Variants in SLC24A3 observed in about 807,000 individuals in gnomAD.
SLC24A3 encodes the protein solute carrier family 24 member 3, also known as sodium/potassium/calcium exchanger 3.
SLC24A3 carries 28 observed loss-of-function variants against 75.8 expected under a neutral mutation model. The observed-to-expected ratio is 0.37, with a 90% CI of 0.27 to 0.51. The LOEUF (loss-of-function observed/expected upper bound fraction) is 0.51. Among genes scored for constraint, SLC24A3 ranks in the 20% least tolerant of loss-of-function variants. The probability of loss-of-function intolerance (pLI) is 0.94; values close to 1 mark genes in which losing one functional copy is unlikely to be tolerated. For missense variants in SLC24A3, 663 were observed against 847.8 expected (o/e 0.78, Z 2.71); for synonymous variants, 372 against 334.1 (o/e 1.11, Z -1.24).
intron 6 of SLC24A3, among the ~76,000 whole-genome samples, chr20:19,609,587 C>G (rs569266818): frequency 6.6e-6 from 1 of 151,960 alleles, no homozygotes; most frequent in East Asian, 1.9e-4. Flanking sequence ...CTCCAACAGG[C>G]CCCGGTGTGT....
intron 2 of SLC24A3, among the ~76,000 whole-genome samples, chr20:19,292,269 T>C (rs1374509081): frequency 2.0e-5 from 3 of 152,148 alleles, no homozygotes; most frequent in Non-Finnish European, 4.4e-5. Context: ...TCCTGAGGGG[T>C]CCTGCAAACG....
At chr20:19,423,322 T>C (rs969927804) in intron 2 of SLC24A3, among the ~76,000 whole-genome samples, 2 of 152,190 alleles carry the variant, frequency 1.3e-5, no homozygotes, top group African/African-American at 2.4e-5. Flanking sequence ...CAGCCCCAAC[T>C]GCAGAAACTG....
intron 2 of SLC24A3, among the ~76,000 whole-genome samples, chr20:19,502,747 A>G (rs1373273235): frequency 2.6e-5 from 4 of 151,690 alleles, no homozygotes; most frequent in African/African-American, 9.7e-5. Context: ...AAATTAATAG[A>G]AGACCGGGTG....
rs112712683 is a variant in SLC24A3 at position 19,403,206 on chromosome 20, C to T, written c.272-112282C>T. On this transcript the variant is annotated intron_variant, in intron 2 of 16. Transcript: ENST00000328041. ...AGAGAAATGTGACCACTGGAAACTA[C>T]AGGTTTGTCCAACATCTGAAGGTAC... 5.2e-3 allele frequency among the ~76,000 whole-genome samples: 797 copies of T among 152,274 alleles called. 3 individuals are homozygous for T. Among genetic ancestry groups the T allele is most frequent in the African/African-American group, 0.018 (765 of 41,558 alleles).
At chr20:19,336,495 C>G (rs551751270) in intron 2 of SLC24A3, among the ~76,000 whole-genome samples, 1 of 152,196 alleles carries the variant, frequency 6.6e-6, no homozygotes, top group East Asian at 1.9e-4. Context: ...AAGCGATTCT[C>G]ATCCCTCAGC....
chr20:19,621,480 T>C (rs550772430), intron 6 of SLC24A3, among the ~76,000 whole-genome samples: 1 of 152,334 alleles, frequency 6.6e-6, no homozygotes, highest in African/African-American at 2.4e-5. Flanking sequence ...ACCCTCTTGG[T>C]TAGAGTGTGT....
intron 2 of SLC24A3, among the ~76,000 whole-genome samples, chr20:19,481,539 C>T (rs1253339255): frequency 1.3e-5 from 2 of 152,184 alleles, no homozygotes; most frequent in Non-Finnish European, 2.9e-5. Context: ...TTCACAATGA[C>T]TCTGACTTCA....
intron 2 of SLC24A3, among the ~76,000 whole-genome samples, chr20:19,473,029 C>G (rs1444342102): frequency 1.3e-5 from 2 of 152,178 alleles, no homozygotes; most frequent in African/African-American, 2.4e-5. Flanking sequence ...GGCCACTGAT[C>G]AAGGCTGGAT....
At position 19,317,927 on chromosome 20, in the gene SLC24A3, G is replaced by T. The variant is rs551025524; in HGVS notation, c.271+36840G>T. On this transcript the variant is annotated intron_variant, in intron 2 of 16. Transcript: ENST00000328041. ...ATGGTTCCTTGCTCTTACCACATTG[G>T]TGCACACTGGCCACATTCTGCCTGC... Among the ~76,000 whole-genome samples the T allele has an allele frequency of 1.1e-4, 16 of 152,328 alleles. No homozygotes were observed. In the East Asian group the frequency reaches 2.9e-3, roughly 28 times the overall value.
chr20:19,588,553 G>A (rs1158934189), intron 6 of SLC24A3, among the ~76,000 whole-genome samples: 2 of 152,306 alleles, frequency 1.3e-5, no homozygotes, highest in South Asian at 2.1e-4. Context: ...GGTGCTTTGG[G>A]GAGTTTTATG....
intron 8 of SLC24A3, among the ~76,000 whole-genome samples, chr20:19,668,100 G>A (rs935894276): frequency 2.0e-5 from 3 of 152,188 alleles, no homozygotes; most frequent in African/African-American, 7.2e-5. Context: ...GGGCCTTGGT[G>A]GCACCAGAAC....
At chr20:19,534,512 G>A (rs1164916891) in intron 3 of SLC24A3, among the ~76,000 whole-genome samples, 2 of 151,382 alleles carry the variant, frequency 1.3e-5, no homozygotes, top group East Asian at 1.9e-4. Flanking sequence ...CCAGATTCAC[G>A]TGATCTTCCT....
At chr20:19,487,220 A>G (rs1988142780) in intron 2 of SLC24A3, among the ~76,000 whole-genome samples, 1 of 152,196 alleles carries the variant, frequency 6.6e-6, no homozygotes, top group Non-Finnish European at 1.5e-5. Context: ...CTTGAATTGA[A>G]TTAAATGCCC....
chr20:19,244,591 G>T (rs1395220634), intron 1 of SLC24A3, among the ~76,000 whole-genome samples: 2 of 152,156 alleles, frequency 1.3e-5, no homozygotes, highest in African/African-American at 2.4e-5. Flanking sequence ...GGTGGGAGAA[G>T]GCAGCGGCAG....
chr20:19,690,433 T>C lies in SLC24A3; in HGVS notation c.1325-2826T>C, dbSNP rs769529353. Reference sequence around the variant, plus strand: ...ATTCTGACTTCATTTTTTTCTTCCCTCTTTTTTTTTATTTTCTGAAGAATG... The same window carrying C: ...ATTCTGACTTCATTTTTTTCTTCCCCCTTTTTTTTTATTTTCTGAAGAATG... On this transcript the variant is annotated intron_variant, in intron 12 of 16. Transcript: ENST00000328041. Among the ~76,000 whole-genome samples, 26 of 152,240 alleles carry C rather than the reference T, an allele frequency of 1.7e-4. 1 individual carries two copies. Among genetic ancestry groups the C allele is most frequent in the South Asian group, 8.3e-4 (4 of 4,824 alleles).
chr20:19,473,546 T>C (rs1162396280), intron 2 of SLC24A3, among the ~76,000 whole-genome samples: 1 of 152,220 alleles, frequency 6.6e-6, no homozygotes, highest in East Asian at 1.9e-4. Context: ...TACAACAATC[T>C]GTGACATACA....
chr20:19,551,665 C>G (rs2030696673), intron 3 of SLC24A3, among the ~76,000 whole-genome samples: 1 of 152,110 alleles, frequency 6.6e-6, no homozygotes, highest in Admixed American at 6.5e-5. Flanking sequence ...AGAGTGCCAC[C>G]CTTTAGCCTG....
intron 2 of SLC24A3, among the ~76,000 whole-genome samples, chr20:19,345,778 A>G (rs1294986837): frequency 6.6e-6 from 1 of 151,888 alleles, no homozygotes; most frequent in African/African-American, 2.4e-5. Context: ...AATCAAGAAT[A>G]AAAAAAGAGT....
chr20:19,643,140 A>G (rs1465279797), intron 6 of SLC24A3, among the ~76,000 whole-genome samples: 1 of 152,168 alleles, frequency 6.6e-6, no homozygotes, highest in Non-Finnish European at 1.5e-5. Flanking sequence ...CACTCCTAAG[A>G]GAAGACGGTG....
Sources: gnomAD v4.1 joint callset for allele counts (sites outside exome capture counted in the v4.1 genomes callset) on GRCh38, gnomAD v4.1.1 for gene constraint, MANE v1.5 for transcripts, NCBI Gene and HGNC (gene_info 2026-07-23, HGNC 2026-07-21) for gene names.